HBS1L: variants seen among roughly 807,000 people sequenced by gnomAD.
The protein encoded by HBS1L is HBS1 like translational GTPase.
HBS1L carries 55 observed loss-of-function variants against 88.9 expected under a neutral mutation model. The observed-to-expected ratio is 0.62, with a 90% confidence interval of 0.50 to 0.77. HBS1L has a LOEUF of 0.77. Ranked by LOEUF, HBS1L falls within the 30% of genes least tolerant of loss-of-function variation. HBS1L has a pLI of 0.00. For missense variants in HBS1L, 741 were observed against 829.3 expected, an observed-to-expected ratio of 0.89 and a Z score of 1.31; for synonymous variants, 267 against 288.5, an observed-to-expected ratio of 0.93 and a Z score of 0.76.
rs1774192775 is a variant in HBS1L, at chr6:134,961,720, C to T, written c.*3559G>A. 1.3e-5 allele frequency: 2 copies of T among 152,124 alleles called. No homozygotes were observed. Among genetic ancestry groups the T allele is most frequent in the African/African-American group, 4.8e-5 (2 of 41,408 alleles). 9.4% of individuals were successfully genotyped at this position (152,124 alleles called of 1,614,324 possible). Reference sequence around the variant, plus strand: ...GAAGAAACCCTTGCTCACTTGAGCCCTCCTTAAAATTAGCTACATGTGCTC... The same window carrying T: ...GAAGAAACCCTTGCTCACTTGAGCCTTCCTTAAAATTAGCTACATGTGCTC... On this transcript the variant is annotated 3_prime_UTR_variant, in exon 18 of 18. Transcript: ENST00000367837.
chr6:135,052,322 C>A (rs762728398), intron 1 of HBS1L, among the ~76,000 whole-genome samples: 2 of 152,180 alleles, frequency 1.3e-5, no homozygotes, highest in African/African-American at 2.4e-5. Context: ...ATAGGCCAGG[C>A]ATCGTGGCTC....
At chr6:134,971,718 G>C (rs1583057860) in intron 15 of HBS1L, among the ~76,000 whole-genome samples, 1 of 152,120 alleles carries the variant, frequency 6.6e-6, no homozygotes, top group East Asian at 1.9e-4. Context: ...GTAATGTGCA[G>C]CATAGTGTAA....
chr6:135,036,516 A>G, intron 4 of HBS1L: 1 of 1,407,908 alleles, frequency 7.1e-7, no homozygotes, highest in South Asian at 1.8e-5. Context: ...TTTAATTAAA[A>G]ATAAAAAGCT....
intron 11 of HBS1L, 102 bp from the exon 12 acceptor site, chr6:134,985,511 A>C: frequency 1.5e-6 from 1 of 671,088 alleles, no homozygotes; most frequent in Non-Finnish European, 2.5e-6. Context: ...GAAAATAACT[A>C]CTTTTTATAA....
intron 2 of HBS1L, among the ~76,000 whole-genome samples, chr6:135,044,520 T>C (rs1263340480): frequency 6.6e-6 from 1 of 152,166 alleles, no homozygotes; most frequent in Non-Finnish European, 1.5e-5. Context: ...GAGGACAACT[T>C]TTTTCACATT....
At chr6:135,024,553 T>C (rs1776172470) in intron 4 of HBS1L, among the ~76,000 whole-genome samples, 1 of 139,470 alleles carries the variant, frequency 7.2e-6, no homozygotes, top group Non-Finnish European at 1.5e-5. Context: ...GGGGGTGTTT[T>C]TTTTTTTTCT....
intron 8 of HBS1L, among the ~76,000 whole-genome samples, chr6:134,990,691 C>G (rs1775107284): frequency 6.6e-6 from 1 of 152,164 alleles, no homozygotes; most frequent in Non-Finnish European, 1.5e-5. Context: ...AGTGAGGCTA[C>G]AGGCACCTGC....
At chr6:135,035,854 A>G (rs1776530600) in intron 4 of HBS1L, 2 of 757,726 alleles carry the variant, frequency 2.6e-6, no homozygotes, top group Admixed American at 6.3e-5. Flanking sequence ...ACATGCAACC[A>G]TACTTGAAAA....
At chr6:135,030,300 G>A (rs1410676530) in intron 4 of HBS1L, among the ~76,000 whole-genome samples, 1 of 152,194 alleles carries the variant, frequency 6.6e-6, no homozygotes, top group Non-Finnish European at 1.5e-5. Flanking sequence ...GTAATAAAGG[G>A]AGAACGGTGA....
At chr6:135,038,065 T>C (rs1776615376) in intron 4 of HBS1L, 3 of 1,434,498 alleles carry the variant, frequency 2.1e-6, no homozygotes, top group Non-Finnish European at 2.7e-6. Flanking sequence ...GATGAATAGG[T>C]TGATATACGC....
chr6:135,036,238 AT>A, intron 4 of HBS1L: 3 of 953,684 alleles, frequency 3.1e-6, no homozygotes, highest in Non-Finnish European at 3.8e-6. Context: ...ATAGAAAAAA[AT>A]ATTTCATTAT....
At chr6:135,039,861 T>G (rs1264978174) in intron 3 of HBS1L, 94 bp from the exon 4 acceptor site, 7 of 1,062,532 alleles carry the variant, frequency 6.6e-6, no homozygotes, top group Non-Finnish European at 8.0e-6. Context: ...ACAGCTGTAC[T>G]AGAATATTCA....
intron 4 of HBS1L, among the ~76,000 whole-genome samples, chr6:135,017,088 A>G (rs965419763): frequency 1.3e-5 from 2 of 152,196 alleles, no homozygotes; most frequent in South Asian, 2.1e-4. Context: ...GTTTAACATT[A>G]TTTGCAAATT....
At chr6:135,018,240 C>T (rs981032286) in intron 4 of HBS1L, among the ~76,000 whole-genome samples, 2 of 152,042 alleles carry the variant, frequency 1.3e-5, no homozygotes, top group Admixed American at 1.3e-4. Flanking sequence ...TCAGAAAGTA[C>T]ACCACCTCGG....
chr6:134,995,959 T>C (rs562109435), intron 7 of HBS1L, among the ~76,000 whole-genome samples: 1 of 152,140 alleles, frequency 6.6e-6, no homozygotes, highest in East Asian at 1.9e-4. Context: ...TGCAAGAAAA[T>C]ACACATTAAA....
At chr6:134,965,967 A>C (rs772619706) in intron 17 of HBS1L, among the ~76,000 whole-genome samples, 5 of 152,192 alleles carry the variant, frequency 3.3e-5, no homozygotes, top group Non-Finnish European at 7.4e-5. Context: ...TACCCTTTAA[A>C]ATACAATATT....
intron 3 of HBS1L, among the ~76,000 whole-genome samples, chr6:135,040,375 G>C (rs1392745897): frequency 9.4e-6 from 1 of 106,778 alleles, no homozygotes; most frequent in East Asian, 3.3e-4. Flanking sequence ...TTTTGAGACA[G>C]AGTCTCACTC....
chr6:135,008,638 T>G (rs943949668), intron 4 of HBS1L, among the ~76,000 whole-genome samples: 6 of 152,146 alleles, frequency 3.9e-5, no homozygotes, highest in Non-Finnish European at 5.9e-5. Flanking sequence ...GATTTTTTTT[T>G]CAATGTATAT....
chr6:135,026,876 C>CA (rs5880242), intron 4 of HBS1L: 70,332 of 144,872 alleles, frequency 0.49, 16,737 homozygotes, highest in South Asian at 0.57. Flanking sequence ...ATTGCCAATC[C>CA]AAAAAAAAAA....
Sources: gnomAD v4.1 joint callset for allele counts (sites outside exome capture counted in the v4.1 genomes callset) on GRCh38, gnomAD v4.1.1 for gene constraint, MANE v1.5 for transcripts, NCBI Gene and HGNC (gene_info 2026-07-23, HGNC 2026-07-21) for gene names.